Variants in NCKAP5 observed in about 807,000 individuals in gnomAD.
NCKAP5 encodes NCK associated protein 5.
Under a neutral mutation model 167.0 loss-of-function variants are expected in NCKAP5, and 92 were observed. The ratio of observed to expected loss-of-function variants is 0.55; its 90% CI spans 0.47 to 0.66. NCKAP5 has a LOEUF of 0.66. NCKAP5 is among the 30% of genes least tolerant of loss of function. NCKAP5 has a pLI of 0.00. For synonymous variants in NCKAP5, 891 were observed against 877.4 expected (o/e 1.02, Z -0.27); for missense variants, 2,378 against 2,315.0 (o/e 1.03, Z -0.56).
chr2:133,110,301 T>C (rs2081864049), intron 6 of NCKAP5, among the ~76,000 whole-genome samples: 1 of 152,196 alleles, frequency 6.6e-6, no homozygotes, highest in South Asian at 2.1e-4. Context: ...CTGGATTATT[T>C]CTAAAATCAG....
At chr2:133,510,078 C>T (rs1683354319) in intron 3 of NCKAP5, among the ~76,000 whole-genome samples, 1 of 152,154 alleles carries the variant, frequency 6.6e-6, no homozygotes, top group Non-Finnish European at 1.5e-5. Flanking sequence ...GGACCAATTG[C>T]AAGTGCTGGG....
chr2:133,379,050 T>A (rs1686344455), intron 3 of NCKAP5, among the ~76,000 whole-genome samples: 1 of 152,216 alleles, frequency 6.6e-6, no homozygotes, highest in Non-Finnish European at 1.5e-5. Flanking sequence ...TATTAAGCAC[T>A]GCCTCGTCAA....
intron 6 of NCKAP5, among the ~76,000 whole-genome samples, chr2:133,115,803 A>G (rs1201321326): frequency 2.0e-5 from 2 of 100,786 alleles, no homozygotes; most frequent in African/African-American, 9.6e-5. Context: ...ATATATATAT[A>G]TATATATATA....
At chr2:133,135,815 T>G (rs1231380393) in intron 5 of NCKAP5, among the ~76,000 whole-genome samples, 2 of 152,102 alleles carry the variant, frequency 1.3e-5, no homozygotes, top group Non-Finnish European at 2.9e-5. Flanking sequence ...AAATAATGTA[T>G]GGTAAGGCAC....
chr2:133,655,412 G>A, the NCKAP5 span, among the ~76,000 whole-genome samples: 1 of 152,186 alleles, frequency 6.6e-6, no homozygotes, highest in Non-Finnish European at 1.5e-5. Flanking sequence ...GAGTGATATA[G>A]GATGTCAAGA....
chr2:133,641,380 C>T, the NCKAP5 span, among the ~76,000 whole-genome samples: 1 of 152,254 alleles, frequency 6.6e-6, no homozygotes, highest in African/African-American at 2.4e-5. Flanking sequence ...CTAATGGCTT[C>T]TTCCTCTGCA....
intron 5 of NCKAP5, among the ~76,000 whole-genome samples, chr2:133,146,688 A>G (rs150260594): frequency 7.9e-5 from 12 of 152,182 alleles, no homozygotes; most frequent in African/African-American, 2.6e-4. Context: ...TCCAATACTA[A>G]TCCACACAAA....
intron 16 of NCKAP5, among the ~76,000 whole-genome samples, chr2:132,769,325 T>C (rs1681815993): frequency 6.6e-6 from 1 of 152,164 alleles, no homozygotes; most frequent in African/African-American, 2.4e-5. Context: ...ACCACAGAAA[T>C]GCAAACATTC....
chr2:133,101,570 T>C (rs1203426374), intron 6 of NCKAP5, among the ~76,000 whole-genome samples: 1 of 151,552 alleles, frequency 6.6e-6, no homozygotes, highest in Admixed American at 6.6e-5. Context: ...GTATCCTCTT[T>C]TATTTCCTTG....
chr2:132,850,001 C>T (rs2105474817), intron 11 of NCKAP5, among the ~76,000 whole-genome samples: 1 of 152,294 alleles, frequency 6.6e-6, no homozygotes. Flanking sequence ...AATGTGCAAC[C>T]TTGCAAAAGG....
chr2:133,196,769 A>G (rs1192647687), intron 5 of NCKAP5, among the ~76,000 whole-genome samples: 1 of 152,156 alleles, frequency 6.6e-6, no homozygotes, highest in Non-Finnish European at 1.5e-5. Context: ...TAGTCCAAGG[A>G]GCAGGAAAGG....
At chr2:132,906,707 T>C (rs1694034559) in intron 8 of NCKAP5, among the ~76,000 whole-genome samples, 1 of 152,134 alleles carries the variant, frequency 6.6e-6, no homozygotes. Flanking sequence ...TGGAAAGGGA[T>C]AGTGGTGAGG....
Position 133,045,861 on chromosome 2 carries a change from G to A in NCKAP5, c.342-51622C>T, listed in dbSNP as rs188530834. On this transcript the variant is annotated intron_variant, in intron 6 of 19. Transcript: ENST00000409261. ...CATTTGCGATGAGATGAAGAGAGGTGAATGACACAGCCGTTGTGATGTAGT... is the reference window on the plus strand; with the variant it reads ...CATTTGCGATGAGATGAAGAGAGGTAAATGACACAGCCGTTGTGATGTAGT... Among the ~76,000 whole-genome samples, 450 of 152,298 alleles carry A rather than the reference G, an allele frequency of 3.0e-3. 2 individuals are homozygous for A. Among genetic ancestry groups the A allele is most frequent in the African/African-American group, 0.01 (421 of 41,584 alleles).
intron 8 of NCKAP5, among the ~76,000 whole-genome samples, chr2:132,937,528 G>A (rs76743200): frequency 7.0e-4 from 106 of 152,256 alleles, no homozygotes; most frequent in Non-Finnish European, 1.4e-3. Flanking sequence ...ATTGCTTTAT[G>A]TTCTCAGAGT....
At chr2:133,230,767 C>T (rs370629101) in intron 4 of NCKAP5, among the ~76,000 whole-genome samples, 6 of 152,214 alleles carry the variant, frequency 3.9e-5, no homozygotes, top group East Asian at 3.9e-4. Context: ...TTTCTGAAAC[C>T]GACTTCAACA....
chr2:133,045,396 C>T (rs6728195), intron 6 of NCKAP5, among the ~76,000 whole-genome samples: 7,643 of 151,720 alleles, frequency 0.05, 616 homozygotes, highest in African/African-American at 0.17. Context: ...TATATATATA[C>T]ATAATTAAGA....
intron 19 of NCKAP5, 73 bp downstream of exon 19, chr2:132,725,554 C>A (rs2105428139): frequency 1.3e-6 from 2 of 1,492,840 alleles, no homozygotes. Context: ...GGGGGCCGAG[C>A]ACAGTGAAAG....
At chr2:133,184,393 G>C (rs1436818046) in intron 5 of NCKAP5, among the ~76,000 whole-genome samples, 1 of 152,102 alleles carries the variant, frequency 6.6e-6, no homozygotes. Flanking sequence ...TTGGTTCCAT[G>C]TCTTCGTTAT....
chr2:133,097,448 A>G lies in NCKAP5; in HGVS notation c.341+32530T>C, dbSNP rs760130229. Reference sequence around the variant, plus strand: ...TCCTGAAGTTATGCCATCGCAATTTAGTTTCTTTGGCTTGTGATTTCCAGC... The same window carrying G: ...TCCTGAAGTTATGCCATCGCAATTTGGTTTCTTTGGCTTGTGATTTCCAGC... On this transcript the variant is annotated intron_variant, in intron 6 of 19. Coordinates refer to ENST00000409261, the MANE Select transcript of NCKAP5 (RefSeq NM_207363.3). 7.7e-4 allele frequency among the ~76,000 whole-genome samples: 117 copies of G among 152,322 alleles called. 1 individual carries two copies. Among genetic ancestry groups the G allele is most frequent in the Non-Finnish European group, 1.5e-3 (100 of 68,026 alleles).
Sources: allele counts gnomAD v4.1 joint callset (sites outside exome capture counted in the v4.1 genomes callset), GRCh38; gene constraint gnomAD v4.1.1; transcripts MANE v1.5; gene names NCBI Gene and HGNC (gene_info 2026-07-23, HGNC 2026-07-21).